MPP4: variants seen among roughly 807,000 people sequenced by gnomAD.
MPP4 encodes the protein MAGUK p55 scaffold protein 4, also known as MAGUK p55 subfamily member 4.
MPP4 carries 91 observed loss-of-function variants against 98.3 expected under a neutral mutation model. That is an observed-to-expected ratio of 0.93 (90% CI 0.78 to 1.10). The LOEUF (loss-of-function observed/expected upper bound fraction) is 1.10, where lower values mean the gene tolerates loss of function less well. Ranked by LOEUF, MPP4 falls within the 50% of genes least tolerant of loss-of-function variation. The pLI is 0.00. For synonymous variants in MPP4, 261 were observed against 271.8 expected (o/e 0.96, Z 0.39); for missense variants, 744 against 792.9 (o/e 0.94, Z 0.74).
intron 3 of MPP4, among the ~76,000 whole-genome samples, chr2:201,690,493 C>T: frequency 6.6e-6 from 1 of 152,148 alleles, no homozygotes; most frequent in East Asian, 1.9e-4. Context: ...TAATTATTGG[C>T]TGCCATTGGG....
intron 1 of MPP4, among the ~76,000 whole-genome samples, chr2:201,695,883 A>G (rs1689165872): frequency 6.6e-6 from 1 of 152,138 alleles, no homozygotes; most frequent in East Asian, 1.9e-4. Flanking sequence ...GACCAACAAC[A>G]TTGTTATAGT....
At chr2:201,698,539 A>G (rs781242869) in intron 1 of MPP4, 48 bp downstream of exon 1, 7 of 1,291,960 alleles carry the variant, frequency 5.4e-6, no homozygotes, top group Admixed American at 2.3e-5. Context: ...CTAGGCAGTT[A>G]TGGATACATC....
chr2:201,664,262 G>C, intron 13 of MPP4, 161 bp from the exon 14 acceptor site: 1 of 1,482,862 alleles, frequency 6.7e-7, no homozygotes, highest in South Asian at 1.2e-5. Context: ...TGTCTCTATG[G>C]CATATATCAG....
chr2:201,653,404 C>T (rs115778956), intron 18 of MPP4, among the ~76,000 whole-genome samples: 294 of 152,222 alleles, frequency 1.9e-3, no homozygotes, highest in African/African-American at 6.8e-3. Context: ...TTCCCACACT[C>T]AGTGGGTCGG....
chr2:201,675,719 G>T (rs1688490873), intron 10 of MPP4, among the ~76,000 whole-genome samples: 1 of 152,166 alleles, frequency 6.6e-6, no homozygotes, highest in Non-Finnish European at 1.5e-5. Context: ...TCACCCCTGG[G>T]CTCCAGGGCA....
At chr2:201,697,859 C>T (rs1689238197) in intron 1 of MPP4, 20 of 907,482 alleles carry the variant, frequency 2.2e-5, no homozygotes, top group Non-Finnish European at 2.6e-5. Flanking sequence ...GTAGTAAAAT[C>T]GAGTTTTCCT....
chr2:201,657,590 G>GTTTTTTTTGTTTTTT (rs1687884945), intron 16 of MPP4, among the ~76,000 whole-genome samples: 2 of 91,124 alleles, frequency 2.2e-5, no homozygotes, highest in African/African-American at 4.3e-5. Context: ...CCTGGCCCTT[G>GTTTTTTTTGTTTTTT]TTTTTTTTTT....
chr2:201,665,357 A>G (rs1436713070), intron 13 of MPP4: 1 of 152,304 alleles, frequency 6.6e-6, no homozygotes, highest in Non-Finnish European at 1.5e-5. Flanking sequence ...GGCATGAGCC[A>G]CCACGCCCGG....
intron 1 of MPP4, among the ~76,000 whole-genome samples, chr2:201,694,305 A>G (rs1285977352): frequency 6.6e-6 from 1 of 152,102 alleles, no homozygotes; most frequent in East Asian, 1.9e-4. Flanking sequence ...TAAATGACAA[A>G]TACTATATTT....
rs201099331 is a variant in MPP4 at position 201,657,608 on chromosome 2, TG to T, written c.1129+868del. On this transcript the variant is annotated intron_variant, in intron 16 of 21. Transcript: ENST00000409474. ...GGCCCTTGTTTTTTTTTTGTTTTTT[TG>T]TTTTTTTTTGCTTATTGTATCAATC... Among the ~76,000 whole-genome samples the T allele has an allele frequency of 3.6e-3, 448 of 125,264 alleles. 34 individuals carry two copies. The highest frequency in any genetic ancestry group is 0.012 in the African/African-American group (370 of 30,826). The allele number at this position is 125,264 out of a possible 152,430, so 82.2% of individuals were successfully genotyped here.
chr2:201,654,768 A>T, intron 18 of MPP4, 69 bp downstream of exon 18: 1 of 1,060,436 alleles, frequency 9.4e-7, no homozygotes, highest in Non-Finnish European at 1.4e-6. Context: ...GGAATGACAT[A>T]GTTAAATGAG....
chr2:201,650,014 T>G (rs1377715549), intron 19 of MPP4, 58 bp downstream of exon 19: 1 of 1,437,808 alleles, frequency 7.0e-7, no homozygotes, highest in Non-Finnish European at 9.4e-7. Context: ...AAATAGGGAA[T>G]CTATTTCAAA....
chr2:201,671,908 A>G (rs896267544), intron 11 of MPP4, among the ~76,000 whole-genome samples: 1 of 152,212 alleles, frequency 6.6e-6, no homozygotes, highest in Admixed American at 6.5e-5. Context: ...GACCTAATAG[A>G]CATCTACAGA....
intron 18 of MPP4, among the ~76,000 whole-genome samples, chr2:201,652,444 G>A (rs941857372): frequency 6.6e-6 from 1 of 152,172 alleles, no homozygotes; most frequent in Non-Finnish European, 1.5e-5. Flanking sequence ...GGGCGACAGA[G>A]CAAGACTCCG....
intron 7 of MPP4, among the ~76,000 whole-genome samples, chr2:201,684,573 T>G (rs1192059183): frequency 6.6e-6 from 1 of 152,180 alleles, no homozygotes; most frequent in African/African-American, 2.4e-5. Flanking sequence ...AGGAGTAAGA[T>G]TTCTCTGGAA....
rs753065526 is a variant in MPP4 at position 201,675,241 on chromosome 2, C to T, written c.960G>A (p.Pro320=). Reference sequence around the variant, plus strand: ...ACTTGAGGCAGGTGTGAGGCTGGTACGGCTGAGACCACCAGAATTCCCGTT... The same window carrying T: ...ACTTGAGGCAGGTGTGAGGCTGGTATGGCTGAGACCACCAGAATTCCCGTT... The part of the protein sequence containing the change: ...RKQREFWWSQ[P]YQPHTCLKST... The change falls in exon 11 of 22, where the codon CCG becomes CCA. Residue 320 remains proline (P), a synonymous_variant. Coordinates refer to ENST00000409474, the MANE Select transcript of MPP4 (RefSeq NM_033066.3). 105 of 1,609,040 alleles carry T rather than the reference C, an allele frequency of 6.5e-5. 1 individual carries two copies. The highest frequency in any genetic ancestry group is 1.9e-4 in the Admixed American group (11 of 59,406).
intron 5 of MPP4, among the ~76,000 whole-genome samples, chr2:201,686,837 G>A (rs148589179): frequency 4.1e-4 from 62 of 152,306 alleles, no homozygotes; most frequent in African/African-American, 1.5e-3. Flanking sequence ...AGTACTAAGA[G>A]ATAGGTTTCT....
intron 11 of MPP4, among the ~76,000 whole-genome samples, chr2:201,671,585 A>T (rs1223172053): frequency 1.3e-5 from 2 of 152,204 alleles, no homozygotes; most frequent in African/African-American, 4.8e-5. Flanking sequence ...AGCAAAAAAA[A>T]GCAGGGGTTC....
chr2:201,675,923 C>G (rs1487899588), intron 10 of MPP4, among the ~76,000 whole-genome samples: 4 of 152,208 alleles, frequency 2.6e-5, no homozygotes, highest in African/African-American at 9.7e-5. Flanking sequence ...ACACTCTGTT[C>G]TTTGTATTCC....
Sources: gnomAD v4.1 joint callset for allele counts (sites outside exome capture counted in the v4.1 genomes callset) on GRCh38, gnomAD v4.1.1 for gene constraint, MANE v1.5 for transcripts, NCBI Gene and HGNC (gene_info 2026-07-23, HGNC 2026-07-21) for gene names.